Variants in GREB1L observed in about 807,000 individuals in gnomAD.
GREB1L encodes the protein GREB1 like retinoic acid receptor coactivator, also known as GREB1-like protein.
GREB1L carries 17 observed loss-of-function variants against 200.8 expected under a neutral mutation model. That is an observed-to-expected ratio of 0.08 (90% CI 0.06 to 0.13). The LOEUF is 0.13. Among genes scored for constraint, GREB1L ranks in the 10% least tolerant of loss-of-function variants. GREB1L has a pLI of 1.00. For synonymous variants in GREB1L, 789 were observed against 893.0 expected, an observed-to-expected ratio of 0.88 and a Z score of 2.08; for missense variants, 1,657 against 2,367.7, an observed-to-expected ratio of 0.70 and a Z score of 6.23.
chr18:21,306,553 A>T (rs533309932), intron 1 of GREB1L, among the ~76,000 whole-genome samples: 9 of 152,254 alleles, frequency 5.9e-5, no homozygotes, highest in Non-Finnish European at 1.3e-4. Flanking sequence ...CCTTGCAGAT[A>T]AGAGTCTGAA....
chr18:21,481,328 A>G (rs1217861345), intron 17 of GREB1L, among the ~76,000 whole-genome samples: 1 of 152,064 alleles, frequency 6.6e-6, no homozygotes, highest in Non-Finnish European at 1.5e-5. Context: ...AATGCTGGAT[A>G]GGATGCAAAA....
intron 1 of GREB1L, among the ~76,000 whole-genome samples, chr18:21,323,142 C>A (rs548123452): frequency 6.6e-6 from 1 of 151,830 alleles, no homozygotes; most frequent in African/African-American, 2.4e-5. Context: ...TTTTAAATAG[C>A]GGGATGTGGT....
intron 1 of GREB1L, among the ~76,000 whole-genome samples, chr18:21,299,273 A>G (rs975622001): frequency 7.1e-6 from 1 of 140,434 alleles, no homozygotes; most frequent in African/African-American, 2.9e-5. Flanking sequence ...AGCAAGACTC[A>G]GTCTCGAAAA....
chr18:21,419,851 T>A (rs1032096062), intron 7 of GREB1L, among the ~76,000 whole-genome samples: 8 of 152,208 alleles, frequency 5.3e-5, no homozygotes, highest in Admixed American at 1.3e-4. Context: ...TTCAAAAACA[T>A]GAACTTTGAT....
chr18:21,343,730 AT>A (rs36120644), intron 1 of GREB1L, among the ~76,000 whole-genome samples: 4,648 of 114,918 alleles, frequency 0.04, 169 homozygotes, highest in African/African-American at 0.14. Flanking sequence ...GAGAAGAGAG[AT>A]TTTTTTTTTT....
At chr18:21,504,125 G>A (rs2036917453) in intron 23 of GREB1L, among the ~76,000 whole-genome samples, 1 of 151,800 alleles carries the variant, frequency 6.6e-6, no homozygotes, top group African/African-American at 2.4e-5. Flanking sequence ...GTAGAGACAG[G>A]GTTGGCCAGG....
At chr18:21,275,816 C>T (rs1217652999) in intron 1 of GREB1L, among the ~76,000 whole-genome samples, 1 of 152,162 alleles carries the variant, frequency 6.6e-6, no homozygotes, top group African/African-American at 2.4e-5. Flanking sequence ...TTTATTGAAA[C>T]ATGGCCATGC....
chr18:21,256,098 G>T (rs1292411008), intron 1 of GREB1L, among the ~76,000 whole-genome samples: 2 of 152,024 alleles, frequency 1.3e-5, no homozygotes, highest in East Asian at 3.9e-4. Flanking sequence ...TAATAAATTA[G>T]CATCATTTTA....
At chr18:21,390,016 G>A (rs147840890) in intron 4 of GREB1L, among the ~76,000 whole-genome samples, 43 of 152,254 alleles carry the variant, frequency 2.8e-4, no homozygotes, top group South Asian at 1.2e-3. Context: ...CACCATTTCG[G>A]TCAATGACTG....
chr18:21,390,903 A>T (rs2040776002), intron 4 of GREB1L, among the ~76,000 whole-genome samples: 1 of 152,240 alleles, frequency 6.6e-6, no homozygotes, highest in Non-Finnish European at 1.5e-5. Context: ...GCCTTATAGA[A>T]TAAGGATATA....
rs1314047447 is a variant in GREB1L at position 21,388,833 on chromosome 18, A to AC, written c.355+4436dup. Reference sequence around the variant, plus strand: ...GGGAGTATTAGGCATATTGTAGGAGACCCCCCTATTGGAATTCATTTGATG... The same window carrying AC: ...GGGAGTATTAGGCATATTGTAGGAGACCCCCCCTATTGGAATTCATTTGATG... On this transcript the variant is annotated intron_variant, in intron 4 of 32. Coordinates refer to ENST00000424526, the MANE Select transcript of GREB1L (RefSeq NM_001142966.3). 1.4e-3 allele frequency among the ~76,000 whole-genome samples: 213 copies of AC among 149,222 alleles called. 3 individuals carry two copies. The highest frequency in any genetic ancestry group is 4.9e-3 in the African/African-American group (200 of 40,522).
intron 1 of GREB1L, among the ~76,000 whole-genome samples, chr18:21,269,385 T>G (rs2038042426): frequency 6.6e-6 from 1 of 152,226 alleles, no homozygotes; most frequent in South Asian, 2.1e-4. Flanking sequence ...TTTTATAATT[T>G]GGGGATTATG....
chr18:21,477,538 G>T (rs972218652), intron 17 of GREB1L, among the ~76,000 whole-genome samples, 182 bp downstream of exon 17: 1 of 152,188 alleles, frequency 6.6e-6, no homozygotes, highest in Non-Finnish European at 1.5e-5. Flanking sequence ...TATAATTCCA[G>T]CACTTTGGGA....
At chr18:21,358,735 C>G (rs568944171) in intron 1 of GREB1L, among the ~76,000 whole-genome samples, 83 of 152,230 alleles carry the variant, frequency 5.5e-4, no homozygotes, top group South Asian at 3.9e-3. Flanking sequence ...CATTGGGTAG[C>G]GTGTACACTG....
chr18:21,385,000 T>C (rs1280147403), intron 4 of GREB1L, among the ~76,000 whole-genome samples: 1 of 152,218 alleles, frequency 6.6e-6, no homozygotes, highest in Non-Finnish European at 1.5e-5. Flanking sequence ...CTTCACACTT[T>C]ACAAGAAAAT....
chr18:21,252,106 G>T (rs2037716273), intron 1 of GREB1L, among the ~76,000 whole-genome samples: 1 of 152,100 alleles, frequency 6.6e-6, no homozygotes, highest in South Asian at 2.1e-4. Flanking sequence ...TATGAAAAAT[G>T]CTTAGCCTTA....
At chr18:21,322,998 G>T (rs2038973057) in intron 1 of GREB1L, among the ~76,000 whole-genome samples, 1 of 151,980 alleles carries the variant, frequency 6.6e-6, no homozygotes, top group African/African-American at 2.4e-5. Context: ...AATAAAAATT[G>T]TATTGGCTGG....
At chr18:21,488,857 A>G (rs1243068898) in intron 18 of GREB1L, among the ~76,000 whole-genome samples, 8 of 152,116 alleles carry the variant, frequency 5.3e-5, no homozygotes, top group African/African-American at 1.7e-4. Context: ...GGGTTTCACC[A>G]TGTTGGCTAG....
At chr18:21,274,047 G>T (rs917487363) in intron 1 of GREB1L, among the ~76,000 whole-genome samples, 3 of 152,254 alleles carry the variant, frequency 2.0e-5, no homozygotes, top group Admixed American at 2.0e-4. Context: ...CCACAAACTG[G>T]TTGGCTTATC....
Sources: gnomAD v4.1 joint callset for allele counts (sites outside exome capture counted in the v4.1 genomes callset) on GRCh38, gnomAD v4.1.1 for gene constraint, MANE v1.5 for transcripts, NCBI Gene and HGNC (gene_info 2026-07-23, HGNC 2026-07-21) for gene names.